Variants in STK32C observed in about 807,000 individuals in gnomAD.
STK32C encodes the protein serine/threonine-protein kinase 32C.
In STK32C, 31 loss-of-function variants were observed where a neutral mutation model predicts 56.5. The ratio of observed to expected loss-of-function variants is 0.55; its 90% CI spans 0.41 to 0.74. The LOEUF (loss-of-function observed/expected upper bound fraction) is 0.74. STK32C is among the 30% of genes least tolerant of loss of function. STK32C has a pLI of 0.00. For missense variants in STK32C, 544 were observed against 676.9 expected (o/e 0.80, Z 2.18); for synonymous variants, 309 against 289.4 (o/e 1.07, Z -0.69).
intron 2 of STK32C, among the ~76,000 whole-genome samples, chr10:132,241,740 G>A (rs2063508258): frequency 6.6e-6 from 1 of 152,168 alleles, no homozygotes; most frequent in South Asian, 2.1e-4. Flanking sequence ...AGAGCGGGAA[G>A]CCCAGAGAGA....
downstream of STK32C, among the ~76,000 whole-genome samples, chr10:132,320,697 G>A (rs1437069969): frequency 6.6e-6 from 1 of 152,164 alleles, no homozygotes; most frequent in Non-Finnish European, 1.5e-5. Flanking sequence ...TCCTTTGTGC[G>A]CCACGTTGAG....
chr10:132,331,200 CAAAAAAA>C (rs35734065), intron 1 of STK32C, among the ~76,000 whole-genome samples: 90 of 56,310 alleles, frequency 1.6e-3, no homozygotes, highest in African/African-American at 4.1e-3. Context: ...GACTCCACCT[CAAAAAAA>C]AAAAAAAAAA....
chr10:132,270,562 G>A (rs935814610), intron 1 of STK32C, among the ~76,000 whole-genome samples: 2 of 152,208 alleles, frequency 1.3e-5, no homozygotes, highest in East Asian at 3.9e-4. Flanking sequence ...CGTGAGTTAC[G>A]GCAACCCCAG....
At chr10:132,209,156 T>C (rs557068411) in intron 10 of STK32C, 55 bp from the exon 11 acceptor site, 455 of 1,529,780 alleles carry the variant, frequency 3.0e-4, no homozygotes, top group Non-Finnish European at 3.3e-4. Context: ...GTTCCGCCCA[T>C]GTCCCCTCAA....
At chr10:132,300,961 C>T (rs575865595) in intron 1 of STK32C, among the ~76,000 whole-genome samples, 41 of 152,278 alleles carry the variant, frequency 2.7e-4, no homozygotes, top group African/African-American at 9.4e-4. Flanking sequence ...CACAGCTCAA[C>T]GGAGCTTTTT....
At chr10:132,314,847 T>C (rs7894392) in intron 1 of STK32C, among the ~76,000 whole-genome samples, 2,196 of 152,256 alleles carry the variant, frequency 0.014, 44 homozygotes, top group South Asian at 0.045. Context: ...ATAAAAAAGA[T>C]TGAGTTTGGC....
At chr10:132,273,698 T>C (rs1250618586) in intron 1 of STK32C, among the ~76,000 whole-genome samples, 1 of 151,976 alleles carries the variant, frequency 6.6e-6, no homozygotes, top group Non-Finnish European at 1.5e-5. Flanking sequence ...AATGAGTAAA[T>C]GAACGAGTAG....
At chr10:132,211,964 G>A (rs2062317580) in intron 10 of STK32C, among the ~76,000 whole-genome samples, 1 of 152,028 alleles carries the variant, frequency 6.6e-6, no homozygotes, top group East Asian at 1.9e-4. Context: ...CAGGGCACCT[G>A]TGGCACCTTC....
At chr10:132,258,150 C>T (rs116425206) in intron 1 of STK32C, among the ~76,000 whole-genome samples, 2,599 of 152,340 alleles carry the variant, frequency 0.017, 73 homozygotes, top group African/African-American at 0.057. Flanking sequence ...AGGACATCGG[C>T]CCTGACCTGA....
At chr10:132,253,593 CGAGGGAGCTG>C (rs1377591951) in intron 1 of STK32C, among the ~76,000 whole-genome samples, 4 of 110,460 alleles carry the variant, frequency 3.6e-5, no homozygotes, top group Admixed American at 2.7e-4. Flanking sequence ...TGGAGGGAGC[CGAGGGAGCTG>C]GAGGGAGCCG....
intron 1 of STK32C, among the ~76,000 whole-genome samples, chr10:132,317,459 A>G (rs901229132): frequency 6.6e-6 from 1 of 152,232 alleles, no homozygotes; most frequent in Non-Finnish European, 1.5e-5. Flanking sequence ...GAAAGGTTGG[A>G]AGTCATCTTT....
rs1392290228 is a variant in STK32C, at chr10:132,255,690, T to C, written c.263-9735A>G. Among the ~76,000 whole-genome samples, 2 of 152,144 alleles carry C rather than the reference T, an allele frequency of 1.3e-5. No homozygotes were observed. Among genetic ancestry groups the C allele is most frequent in the Non-Finnish European group, 2.9e-5 (2 of 68,008 alleles). On this transcript the variant is annotated intron_variant, in intron 1 of 11. Coordinates refer to ENST00000298630, the MANE Select transcript of STK32C (RefSeq NM_173575.4). The surrounding 1 kb of genome is among the most constrained non-coding windows in gnomAD (Gnocchi z 4.6). Reference sequence around the variant, plus strand: ...GTTTCCTGCACCACTGAGGATGTGTTGAAACCCCAGGGCAGGAAGGTCAGA... The same window carrying C: ...GTTTCCTGCACCACTGAGGATGTGTCGAAACCCCAGGGCAGGAAGGTCAGA...
chr10:132,275,706 CT>C lies in STK32C; in HGVS notation c.263-29752del, dbSNP rs1208363952. 3.9e-5 allele frequency among the ~76,000 whole-genome samples: 6 copies of C among 152,362 alleles called. No individual in the cohort carries two copies. The East Asian group carries it at 1.2e-3, about 29-fold the overall frequency. Reference sequence around the variant, plus strand: ...AGGGATGAGGACCTGGGCCCATGGGCTTCCCACACCACCTTCTCTCAGGCTC... The same window carrying C: ...AGGGATGAGGACCTGGGCCCATGGGCTCCCACACCACCTTCTCTCAGGCTC... On this transcript the variant is annotated intron_variant, in intron 1 of 11. Transcript: ENST00000298630.
intron 2 of STK32C, among the ~76,000 whole-genome samples, chr10:132,245,364 C>T (rs1183842421): frequency 2.0e-5 from 3 of 152,202 alleles, no homozygotes; most frequent in African/African-American, 4.8e-5. Context: ...ATAATTACCC[C>T]CAATCTCTAG....
chr10:132,294,510 C>T (rs1410104861), intron 1 of STK32C, among the ~76,000 whole-genome samples: 6 of 152,250 alleles, frequency 3.9e-5, no homozygotes, highest in Non-Finnish European at 2.9e-5. Context: ...CTGACACTTT[C>T]GTAGCACAGG....
chr10:132,233,873 G>A (rs983276442), intron 2 of STK32C, among the ~76,000 whole-genome samples: 10 of 152,184 alleles, frequency 6.6e-5, no homozygotes, highest in Admixed American at 5.2e-4. Flanking sequence ...TGGCCCCTTC[G>A]GCAACAGCTG....
chr10:132,260,848 C>T (rs950255053), intron 1 of STK32C, among the ~76,000 whole-genome samples: 10 of 152,220 alleles, frequency 6.6e-5, no homozygotes, highest in Admixed American at 2.0e-4. Flanking sequence ...GGCCCCTGGA[C>T]GTGCCAAGGC....
upstream of STK32C, among the ~76,000 whole-genome samples, chr10:132,310,769 A>G (rs998765783): frequency 6.6e-6 from 1 of 152,242 alleles, no homozygotes; most frequent in Non-Finnish European, 1.5e-5. This position sits in a 1 kb window ranked among gnomAD's most constrained non-coding sequence, Gnocchi z 4.6. Flanking sequence ...GCACACAGGA[A>G]GGCACATGGC....
chr10:132,280,868 G>A (rs1463945039), intron 1 of STK32C, among the ~76,000 whole-genome samples: 4 of 137,290 alleles, frequency 2.9e-5, no homozygotes, highest in Non-Finnish European at 6.2e-5. Flanking sequence ...CCTCCATGCC[G>A]TGACCACGCC....
Sources: gnomAD v4.1 joint callset for allele counts (sites outside exome capture counted in the v4.1 genomes callset) on GRCh38, gnomAD v4.1.1 for gene constraint, Gnocchi (gnomAD v3.1) non-coding constraint, MANE v1.5 for transcripts, NCBI Gene and HGNC (gene_info 2026-07-23, HGNC 2026-07-21) for gene names.